Variants in PCDHGA7 observed in about 807,000 individuals in gnomAD.
PCDHGA7 encodes the protein protocadherin gamma-A7.
In PCDHGA7, 44 loss-of-function variants were observed where a neutral mutation model predicts 58.3. The ratio of observed to expected loss-of-function variants is 0.75; its 90% CI spans 0.59 to 0.97. The LOEUF is 0.97. Among genes scored for constraint, PCDHGA7 ranks in the 50% least tolerant of loss-of-function variants. PCDHGA7 has a pLI of 0.00. For synonymous variants in PCDHGA7, 516 were observed against 504.2 expected, an observed-to-expected ratio of 1.02 and a Z score of -0.31; for missense variants, 1,266 against 1,188.7, an observed-to-expected ratio of 1.06 and a Z score of -0.96.
intron 1 of PCDHGA7, among the ~76,000 whole-genome samples, chr5:141,455,419 G>A (rs1462099602): frequency 6.6e-6 from 1 of 152,124 alleles, no homozygotes; most frequent in Non-Finnish European, 1.5e-5. Context: ...AGGGAGCGGG[G>A]CTCCAAAAGA....
At chr5:141,471,073 G>A (rs2099249169) in intron 1 of PCDHGA7, among the ~76,000 whole-genome samples, 2 of 143,298 alleles carry the variant, frequency 1.4e-5, no homozygotes, top group Non-Finnish European at 3.0e-5. Flanking sequence ...TTTTGAGACA[G>A]GGTCTCCCTC....
intron 1 of PCDHGA7, among the ~76,000 whole-genome samples, chr5:141,473,191 G>C (rs28479996): frequency 6.6e-6 from 1 of 152,134 alleles, no homozygotes; most frequent in South Asian, 2.1e-4. Flanking sequence ...AGGAGTAAAT[G>C]TATCTTCTAA....
intron 1 of PCDHGA7, chr5:141,396,067 T>C (rs924469652): frequency 6.6e-6 from 1 of 152,222 alleles, no homozygotes; most frequent in African/African-American, 2.4e-5. Context: ...GCTGTTTCGG[T>C]TGTGCATTGA....
In PCDHGA7 at chr5:141,432,733, C is replaced by T; in HGVS notation, c.2424+47410C>T. 1 of 1,614,094 alleles carries T rather than the reference C, an allele frequency of 6.2e-7. No individual in the cohort carries two copies. Among genetic ancestry groups the T allele is most frequent in the Middle Eastern group, 1.6e-4 (1 of 6,062 alleles). ...GCCAGCCCCCTCTCTCCGCCACTGTCACGCTCACCGTGGCCGTGGCCGACA... is the reference window on the plus strand; with the variant it reads ...GCCAGCCCCCTCTCTCCGCCACTGTTACGCTCACCGTGGCCGTGGCCGACA... On this transcript the variant is annotated intron_variant, in intron 1 of 3. Coordinates refer to ENST00000518325, the MANE Select transcript of PCDHGA7 (RefSeq NM_018920.4). The surrounding 1 kb of genome is among the most constrained non-coding windows in gnomAD (Gnocchi z 6.0).
chr5:141,390,183 T>C (rs532412915), intron 1 of PCDHGA7: 2 of 1,614,034 alleles, frequency 1.2e-6, no homozygotes, highest in Admixed American at 1.7e-5. Context: ...TTTCCTAAAA[T>C]GTAGTGAGCA....
In PCDHGA7 at chr5:141,486,407, C is replaced by A; in HGVS notation, c.2425-8400C>A. The A allele has an allele frequency of 6.2e-7, 1 of 1,614,134 alleles. No homozygotes were observed. The highest frequency in any genetic ancestry group is 8.5e-7 in the Non-Finnish European group (1 of 1,180,000). On this transcript the variant is annotated intron_variant, in intron 1 of 3. Transcript: ENST00000518325. This position sits in a 1 kb window ranked among gnomAD's most constrained non-coding sequence, Gnocchi z 5.0. Reference sequence around the variant, plus strand: ...CCAGTTCTCCCTGGTGACTGCTGGACCCTTGGATCGAGAGGCCAAATCTAG... The same window carrying A: ...CCAGTTCTCCCTGGTGACTGCTGGAACCTTGGATCGAGAGGCCAAATCTAG...
intron 1 of PCDHGA7, chr5:141,426,987 G>C (rs867397302): frequency 1.3e-5 from 6 of 456,602 alleles, no homozygotes; most frequent in African/African-American, 1.2e-4. Context: ...TGATGCCAAC[G>C]ATAATGCCCC....
At chr5:141,428,187 C>A in intron 1 of PCDHGA7, 1 of 1,439,502 alleles carries the variant, frequency 6.9e-7, no homozygotes, top group Non-Finnish European at 9.6e-7. Flanking sequence ...GGACAGCCGC[C>A]GCTCTCTGCG....
intron 1 of PCDHGA7, among the ~76,000 whole-genome samples, chr5:141,456,917 C>G (rs1005360691): frequency 2.6e-5 from 4 of 152,032 alleles, no homozygotes; most frequent in Non-Finnish European, 5.9e-5. Context: ...GAGCCGAGAT[C>G]GCACCACTGC....
At chr5:141,455,128 T>C (rs2098813900) in intron 1 of PCDHGA7, among the ~76,000 whole-genome samples, 2 of 151,962 alleles carry the variant, frequency 1.3e-5, no homozygotes, top group Admixed American at 6.6e-5. Context: ...ATGTTTTAAA[T>C]TACACTGTGT....
chr5:141,405,191 C>T (rs573277021), intron 1 of PCDHGA7: 28 of 1,612,832 alleles, frequency 1.7e-5, no homozygotes, highest in South Asian at 1.6e-4. Context: ...AGATGGGGTT[C>T]GAGCTTTCCT....
intron 1 of PCDHGA7, among the ~76,000 whole-genome samples, chr5:141,481,478 T>C (rs2099538352): frequency 6.6e-6 from 1 of 152,232 alleles, no homozygotes; most frequent in African/African-American, 2.4e-5. Context: ...GATTATACAC[T>C]TTAAATATGT....
chr5:141,422,151 G>A (rs763343536), intron 1 of PCDHGA7: 1 of 1,575,938 alleles, frequency 6.3e-7, no homozygotes, highest in Admixed American at 2.0e-5. Flanking sequence ...GGGGGTCTCT[G>A]GATTTTGAAA....
At chr5:141,412,406 G>T (rs1278637068) in intron 1 of PCDHGA7, 1 of 152,046 alleles carries the variant, frequency 6.6e-6, no homozygotes, top group African/African-American at 2.4e-5. Context: ...ATCCCTGTAA[G>T]ATAAAGTATG....
chr5:141,432,992 G>A lies in PCDHGA7; in HGVS notation c.2424+47669G>A, dbSNP rs777975384. On this transcript the variant is annotated intron_variant, in intron 1 of 3. Coordinates refer to ENST00000518325, the MANE Select transcript of PCDHGA7 (RefSeq NM_018920.4). The surrounding 1 kb of genome is among the most constrained non-coding windows in gnomAD (Gnocchi z 6.0). The stretch of plus-strand genomic sequence containing the variant: ...GGCGTCGCACTTTGTGGGCGTGGAC[G>A]GGGTGCAGGCTTTCCTGCAGACCTA... 1.9e-6 allele frequency: 3 copies of A among 1,614,174 alleles called. No homozygotes were observed. In the Admixed American group the frequency reaches 5.0e-5, roughly 27 times the overall value.
intron 1 of PCDHGA7, chr5:141,433,260 C>A: frequency 1.5e-6 from 2 of 1,352,308 alleles, no homozygotes; most frequent in South Asian, 1.4e-5. Flanking sequence ...GCGGTACGAT[C>A]ATAGCTCACT....
chr5:141,454,874 C>A (rs1002727777), intron 1 of PCDHGA7, among the ~76,000 whole-genome samples: 4 of 123,066 alleles, frequency 3.3e-5, no homozygotes, highest in African/African-American at 1.2e-4. Flanking sequence ...GTGGCACGAT[C>A]TTGGCTCACT....
intron 1 of PCDHGA7, among the ~76,000 whole-genome samples, chr5:141,434,129 G>T (rs1242855904): frequency 6.6e-6 from 1 of 152,092 alleles, no homozygotes; most frequent in East Asian, 1.9e-4. Flanking sequence ...CTCCCTTTAG[G>T]CTGATTTCTA....
chr5:141,497,740 C>T (rs954595046), intron 2 of PCDHGA7, among the ~76,000 whole-genome samples: 1 of 152,054 alleles, frequency 6.6e-6, no homozygotes, highest in South Asian at 2.1e-4. Context: ...GGTTTCGCCA[C>T]GTTGGCCAGG....
Sources: gnomAD v4.1 joint callset for allele counts (sites outside exome capture counted in the v4.1 genomes callset) on GRCh38, gnomAD v4.1.1 for gene constraint, Gnocchi (gnomAD v3.1) non-coding constraint, MANE v1.5 for transcripts, NCBI Gene and HGNC (gene_info 2026-07-23, HGNC 2026-07-21) for gene names.